Variants in HPSE2 observed in about 807,000 individuals in gnomAD.
HPSE2 encodes the protein heparanase 2 (inactive).
A neutral mutation model predicts 60.5 loss-of-function variants in HPSE2; 38 were observed. The ratio of observed to expected loss-of-function variants is 0.63; its 90% CI spans 0.48 to 0.82. The LOEUF (loss-of-function observed/expected upper bound fraction) is 0.82, where lower values mean the gene tolerates loss of function less well. Among genes scored for constraint, HPSE2 ranks in the 40% least tolerant of loss-of-function variants. The pLI is 0.00. For missense variants in HPSE2, 713 were observed against 740.4 expected (o/e 0.96, Z 0.43); for synonymous variants, 295 against 293.2 (o/e 1.01, Z -0.06).
At chr10:99,181,102 T>C (rs1484777374) in intron 2 of HPSE2, among the ~76,000 whole-genome samples, 1 of 151,854 alleles carries the variant, frequency 6.6e-6, no homozygotes, top group Non-Finnish European at 1.5e-5. Context: ...ATCATTCTAC[T>C]ATAAAGACAC....
At chr10:98,717,980 C>G (rs193280776) in intron 5 of HPSE2, among the ~76,000 whole-genome samples, 1 of 151,936 alleles carries the variant, frequency 6.6e-6, no homozygotes, top group Non-Finnish European at 1.5e-5. Flanking sequence ...CTCCTTTTGA[C>G]TAGGATTTCT....
chr10:98,742,659 T>C (rs1299066885), intron 4 of HPSE2, among the ~76,000 whole-genome samples: 1 of 152,068 alleles, frequency 6.6e-6, no homozygotes, highest in Non-Finnish European at 1.5e-5. Context: ...CAGAATAACA[T>C]ATGTCACAAA....
intron 3 of HPSE2, among the ~76,000 whole-genome samples, chr10:98,942,042 A>C (rs1589402925): frequency 7.0e-6 from 1 of 143,464 alleles, no homozygotes; most frequent in Non-Finnish European, 1.5e-5. Flanking sequence ...GAAAGCTGAA[A>C]CTGGATCCCA....
chr10:98,724,465 T>C (rs1023217375), intron 4 of HPSE2, among the ~76,000 whole-genome samples: 1 of 152,222 alleles, frequency 6.6e-6, no homozygotes, highest in African/African-American at 2.4e-5. Context: ...CAGAGTTCTG[T>C]AGATGTCTAT....
At chr10:99,073,255 G>A (rs1342128513) in intron 3 of HPSE2, among the ~76,000 whole-genome samples, 2 of 152,138 alleles carry the variant, frequency 1.3e-5, no homozygotes, top group East Asian at 3.9e-4. Context: ...ACTGGACAAA[G>A]AAAATGTGGT....
At chr10:98,653,750 T>C (rs567664844) in intron 6 of HPSE2, among the ~76,000 whole-genome samples, 18 of 152,198 alleles carry the variant, frequency 1.2e-4, no homozygotes, top group African/African-American at 3.8e-4. Flanking sequence ...CAAATTAAAA[T>C]AAGGAAAATA....
chr10:98,763,114 A>G (rs565636963), intron 3 of HPSE2, among the ~76,000 whole-genome samples: 2 of 152,236 alleles, frequency 1.3e-5, no homozygotes, highest in East Asian at 1.9e-4. Context: ...AAAAAAATCA[A>G]TAAACTTAAA....
chr10:98,725,290 G>A (rs1050929705), intron 4 of HPSE2, among the ~76,000 whole-genome samples: 40 of 152,114 alleles, frequency 2.6e-4, no homozygotes, highest in African/African-American at 9.4e-4. Context: ...CCAAAACAGA[G>A]ATATAGACCA....
chr10:98,935,176 AG>A (rs1954753174), intron 3 of HPSE2, among the ~76,000 whole-genome samples: 1 of 142,430 alleles, frequency 7.0e-6, no homozygotes, highest in African/African-American at 2.9e-5. Context: ...TCTAGTTAAC[AG>A]CTCCTGTAAT....
chr10:98,719,672 A>T (rs1948872860), intron 5 of HPSE2, among the ~76,000 whole-genome samples: 1 of 147,606 alleles, frequency 6.8e-6, no homozygotes, highest in South Asian at 2.2e-4. Context: ...TTGGATTTCA[A>T]GCAGAAGTGA....
At chr10:99,155,106 G>A (rs1216850138) in intron 2 of HPSE2, among the ~76,000 whole-genome samples, 48 of 139,812 alleles carry the variant, frequency 3.4e-4, no homozygotes, top group African/African-American at 1.2e-3. Context: ...CATAAAGCAA[G>A]TCCTGAGTGA....
In HPSE2 at chr10:98,887,960, AAAG is replaced by A. The variant is rs1039943780; in HGVS notation, c.611-143907_611-143905del. On this transcript the variant is annotated intron_variant, in intron 3 of 11. Transcript: ENST00000370552. ...AAAATAAAAAATTAAAAATTAAAGA[AAAG>A]AAAGAATAAGACCTACTATTAATAT... Among the ~76,000 whole-genome samples the A allele has an allele frequency of 6.9e-4, 105 of 151,628 alleles. 1 individual carries two copies. Among genetic ancestry groups the A allele is most frequent in the African/African-American group, 2.5e-3 (102 of 41,396 alleles).
chr10:98,966,083 G>A (rs1003084199), intron 3 of HPSE2, among the ~76,000 whole-genome samples: 4 of 152,032 alleles, frequency 2.6e-5, no homozygotes, highest in African/African-American at 9.7e-5. Context: ...TAGAGACAGG[G>A]TTTCACCAAG....
intron 7 of HPSE2, among the ~76,000 whole-genome samples, chr10:98,626,140 T>C (rs1034939158): frequency 4.0e-5 from 6 of 149,160 alleles, no homozygotes; most frequent in African/African-American, 1.5e-4. Flanking sequence ...AGAAAAAAGA[T>C]GAATAAAAAC....
chr10:98,540,246 C>A (rs1478483073), intron 9 of HPSE2, among the ~76,000 whole-genome samples: 1 of 152,222 alleles, frequency 6.6e-6, no homozygotes, highest in Non-Finnish European at 1.5e-5. Flanking sequence ...ATACATTAAA[C>A]CATTTTTTAG....
intron 5 of HPSE2, among the ~76,000 whole-genome samples, chr10:98,717,557 T>C (rs1948821723): frequency 1.3e-5 from 2 of 151,998 alleles, no homozygotes; most frequent in African/African-American, 4.8e-5. Flanking sequence ...AATTTTAATA[T>C]TGTTGCATCT....
chr10:99,119,242 A>G (rs968115049), intron 3 of HPSE2, among the ~76,000 whole-genome samples: 2 of 152,168 alleles, frequency 1.3e-5, no homozygotes, highest in Admixed American at 6.5e-5. Context: ...AAATAACTTC[A>G]GCAAAGTCTC....
intron 9 of HPSE2, among the ~76,000 whole-genome samples, chr10:98,559,171 G>A (rs1944099573): frequency 6.6e-6 from 1 of 152,164 alleles, no homozygotes; most frequent in Non-Finnish European, 1.5e-5. Flanking sequence ...GGGATTACAG[G>A]CAGCTGCCAC....
intron 3 of HPSE2, among the ~76,000 whole-genome samples, chr10:98,930,137 C>G (rs892568489): frequency 7.0e-6 from 1 of 143,566 alleles, no homozygotes; most frequent in African/African-American, 2.8e-5. Context: ...TGCTTCCCCC[C>G]TCCACTATCC....
Sources: allele counts gnomAD v4.1 joint callset (sites outside exome capture counted in the v4.1 genomes callset), GRCh38; gene constraint gnomAD v4.1.1; transcripts MANE v1.5; gene names NCBI Gene and HGNC (gene_info 2026-07-23, HGNC 2026-07-21).